PCSK5: variants seen among roughly 807,000 people sequenced by gnomAD.
PCSK5 encodes the protein prohormone convertase 5.
PCSK5 carries 129 observed loss-of-function variants against 233.2 expected under a neutral mutation model. The observed-to-expected ratio is 0.55, with a 90% CI of 0.48 to 0.64. PCSK5 has a LOEUF of 0.64. Among genes scored for constraint, PCSK5 ranks in the 30% least tolerant of loss-of-function variants. The pLI is 0.00. For synonymous variants in PCSK5, 825 were observed against 879.2 expected, an observed-to-expected ratio of 0.94 and a Z score of 1.09; for missense variants, 2,076 against 2,430.1, an observed-to-expected ratio of 0.85 and a Z score of 3.06.
chr9:76,164,799 C>G (rs1487527577), intron 12 of PCSK5, among the ~76,000 whole-genome samples: 2 of 152,126 alleles, frequency 1.3e-5, no homozygotes, highest in African/African-American at 4.8e-5. Context: ...TAATATAAAA[C>G]AGATATTTCA....
intron 1 of PCSK5, among the ~76,000 whole-genome samples, chr9:75,892,497 T>C (rs926802995): frequency 1.3e-5 from 2 of 152,136 alleles, no homozygotes; most frequent in Admixed American, 1.3e-4. Flanking sequence ...GTGAGGATGA[T>C]GGATGGCGCC....
chr9:76,137,590 C>T lies in PCSK5; in HGVS notation c.1312+3378C>T, dbSNP rs571204373. On this transcript the variant is annotated intron_variant, in intron 10 of 37. Transcript: ENST00000674117. ...CTAAACATTGTTTGGCCTTGTTCAT[C>T]TTGTGAATAATCCTAGCTAAGTTTC... 8.5e-5 allele frequency among the ~76,000 whole-genome samples: 13 copies of T among 152,190 alleles called. No individual in the cohort carries two copies. The South Asian group carries it at 2.7e-3, about 32-fold the overall frequency.
intron 24 of PCSK5, among the ~76,000 whole-genome samples, 152 bp from the exon 25 acceptor site, chr9:76,292,081 A>G (rs1828294164): frequency 6.6e-6 from 1 of 152,206 alleles, no homozygotes; most frequent in Non-Finnish European, 1.5e-5. Context: ...CTAATTAAAA[A>G]CAGTACAATC....
At chr9:76,058,171 G>T (rs952714957) in intron 5 of PCSK5, among the ~76,000 whole-genome samples, 1 of 152,182 alleles carries the variant, frequency 6.6e-6, no homozygotes, top group Non-Finnish European at 1.5e-5. Flanking sequence ...TTAGTGCATG[G>T]TTGAGTTGGT....
At chr9:76,090,480 A>G (rs773450313) in intron 7 of PCSK5, among the ~76,000 whole-genome samples, 2 of 152,110 alleles carry the variant, frequency 1.3e-5, no homozygotes, top group Non-Finnish European at 2.9e-5. Flanking sequence ...TGGGACTTCA[A>G]TCATAAACCA....
chr9:76,181,295 G>A, intron 15 of PCSK5, 103 bp from the exon 16 acceptor site: 1 of 929,898 alleles, frequency 1.1e-6, no homozygotes, highest in South Asian at 1.7e-5. Context: ...GTTTAAAAGT[G>A]ATTTGGAAGC....
At chr9:75,912,735 C>T (rs780109390) in intron 1 of PCSK5, among the ~76,000 whole-genome samples, 127 of 152,218 alleles carry the variant, frequency 8.3e-4, no homozygotes, top group Non-Finnish European at 1.5e-3. Context: ...CATACATACA[C>T]ATAGCATAAA....
At chr9:75,940,935 A>T (rs549759011) in intron 2 of PCSK5, among the ~76,000 whole-genome samples, 6 of 152,350 alleles carry the variant, frequency 3.9e-5, no homozygotes, top group African/African-American at 1.4e-4. Context: ...AGTTAAAAAT[A>T]AGTATTCAGA....
chr9:76,161,452 T>C (rs1822852974), intron 12 of PCSK5, among the ~76,000 whole-genome samples: 1 of 151,968 alleles, frequency 6.6e-6, no homozygotes, highest in East Asian at 1.9e-4. Flanking sequence ...TGCTTTTTTT[T>C]TTTTTCTTTA....
At chr9:76,250,223 A>G (rs1174055654) in intron 24 of PCSK5, among the ~76,000 whole-genome samples, 1 of 152,102 alleles carries the variant, frequency 6.6e-6, no homozygotes, top group Non-Finnish European at 1.5e-5. Context: ...AATCACTTGA[A>G]CCTGGGAGGC....
chr9:75,983,689 A>G (rs1340508), intron 2 of PCSK5, among the ~76,000 whole-genome samples: 48,754 of 152,096 alleles, frequency 0.32, 8,462 homozygotes, highest in East Asian at 0.65. Context: ...AAAGCACACA[A>G]TAATTCCCTT....
chr9:76,096,265 T>G (rs1253594811), intron 8 of PCSK5, among the ~76,000 whole-genome samples, 163 bp downstream of exon 8: 1 of 151,936 alleles, frequency 6.6e-6, no homozygotes. Context: ...ATAGAAGAAG[T>G]TGTAAACATT....
intron 30 of PCSK5, among the ~76,000 whole-genome samples, chr9:76,318,237 G>A (rs1443654158): frequency 6.6e-6 from 1 of 152,030 alleles, no homozygotes; most frequent in Non-Finnish European, 1.5e-5. Flanking sequence ...AACACTGCAT[G>A]TTCTCACTCA....
At chr9:76,059,715 C>T (rs1447335459) in intron 5 of PCSK5, among the ~76,000 whole-genome samples, 1 of 151,946 alleles carries the variant, frequency 6.6e-6, no homozygotes, top group Non-Finnish European at 1.5e-5. Flanking sequence ...GCTGAAAATT[C>T]TGAGGAATTA....
At chr9:75,996,845 G>C (rs1827044018) in intron 3 of PCSK5, among the ~76,000 whole-genome samples, 1 of 141,898 alleles carries the variant, frequency 7.0e-6, no homozygotes, top group Non-Finnish European at 1.5e-5. Flanking sequence ...CAAGATCTTA[G>C]CTAAGATTTT....
chr9:76,316,845 A>G (rs1403465020), intron 30 of PCSK5, among the ~76,000 whole-genome samples: 2 of 151,484 alleles, frequency 1.3e-5, no homozygotes, highest in Non-Finnish European at 2.9e-5. Flanking sequence ...GCTGGTGGGC[A>G]TATAACACAT....
intron 1 of PCSK5, among the ~76,000 whole-genome samples, chr9:75,893,678 T>G (rs1825700882): frequency 6.6e-6 from 1 of 152,176 alleles, no homozygotes; most frequent in South Asian, 2.1e-4. Flanking sequence ...ACAAAAGGCC[T>G]TATAGTGAAG....
chr9:75,922,458 G>C (rs1464252317), intron 1 of PCSK5, among the ~76,000 whole-genome samples: 1 of 152,136 alleles, frequency 6.6e-6, no homozygotes, highest in East Asian at 1.9e-4. Context: ...ACCTGCAAAA[G>C]CTTGTTACAT....
chr9:76,324,444 T>C (rs1829301278), intron 32 of PCSK5, among the ~76,000 whole-genome samples: 1 of 152,100 alleles, frequency 6.6e-6, no homozygotes, highest in Non-Finnish European at 1.5e-5. Flanking sequence ...TTGGCCAGGC[T>C]GGTCCTGAAT....
Sources: gnomAD v4.1 joint callset for allele counts (sites outside exome capture counted in the v4.1 genomes callset) on GRCh38, gnomAD v4.1.1 for gene constraint, MANE v1.5 for transcripts, NCBI Gene and HGNC (gene_info 2026-07-23, HGNC 2026-07-21) for gene names.